The following GRHL3 variants were observed in gnomAD, a reference collection of about 807,000 sequenced individuals.
GRHL3 encodes the protein grainyhead-like protein 3 homolog.
A neutral mutation model predicts 70.3 loss-of-function variants in GRHL3; 20 were observed. The observed-to-expected ratio is 0.28, with a 90% CI of 0.20 to 0.41. GRHL3 has a LOEUF of 0.41. Ranked by LOEUF, GRHL3 falls within the 10% of genes least tolerant of loss-of-function variation. GRHL3 has a pLI of 1.00. For synonymous variants in GRHL3, 299 were observed against 299.9 expected, an observed-to-expected ratio of 1.00 and a Z score of 0.03; for missense variants, 637 against 762.3, an observed-to-expected ratio of 0.84 and a Z score of 1.94.
At chr1:24,331,405 A>G in intron 1 of GRHL3, 21 bp from the exon 2 acceptor site, 13 of 1,578,526 alleles carry the variant, frequency 8.2e-6, no homozygotes, top group Non-Finnish European at 1.1e-5. Flanking sequence ...CCTAAATTTG[A>G]CTCTCCTTAC....
intron 15 of GRHL3, among the ~76,000 whole-genome samples, chr1:24,361,749 C>T (rs183884434): frequency 6.4e-4 from 97 of 152,266 alleles, no homozygotes; most frequent in African/African-American, 2.2e-3. Flanking sequence ...GGGAGTCTAT[C>T]TTTTATCTCT....
At chr1:24,327,124 G>T (rs559230310) in intron 1 of GRHL3, among the ~76,000 whole-genome samples, 3 of 152,248 alleles carry the variant, frequency 2.0e-5, no homozygotes, top group East Asian at 3.9e-4. Context: ...TCTCTGGCAG[G>T]CTCTAGGTTA....
intron 11 of GRHL3, 88 bp from the exon 12 acceptor site, chr1:24,344,809 A>T (rs1168797472): frequency 4.7e-6 from 7 of 1,497,810 alleles, no homozygotes; most frequent in Non-Finnish European, 4.7e-6. Flanking sequence ...TCCCACCAAA[A>T]ATATTCCTCC....
chr1:24,323,225 C>T (rs1639270265), intron 1 of GRHL3: 1 of 718,636 alleles, frequency 1.4e-6, no homozygotes. Flanking sequence ...ACACCTAGAA[C>T]AGTGTTCTCA....
intron 1 of GRHL3, among the ~76,000 whole-genome samples, chr1:24,330,998 A>G (rs547975932): frequency 6.6e-6 from 1 of 152,356 alleles, no homozygotes; most frequent in East Asian, 1.9e-4. Flanking sequence ...TGTGCCTTTC[A>G]CAGTCTTGAG....
At chr1:24,358,395 C>T (rs1439100704), downstream of GRHL3, 8 of 749,456 alleles carry the variant, frequency 1.1e-5, no homozygotes, top group African/African-American at 8.6e-5. Context: ...GGCAGCAGTC[C>T]GGCTAGGATG....
intron 3 of GRHL3, among the ~76,000 whole-genome samples, chr1:24,336,185 T>C (rs575508613): frequency 6.6e-6 from 1 of 152,132 alleles, no homozygotes; most frequent in East Asian, 1.9e-4. Context: ...CATTTGACTT[T>C]GGCTAAAAAT....
intron 2 of GRHL3, among the ~76,000 whole-genome samples, chr1:24,332,659 T>G (rs1490700986): frequency 6.6e-6 from 1 of 152,146 alleles, no homozygotes; most frequent in Non-Finnish European, 1.5e-5. Context: ...TTTCCTAGAT[T>G]GGGGGATGGG....
At position 24,346,730 on chromosome 1, in the gene GRHL3, G is replaced by A. The variant is rs1299801780; in HGVS notation, c.1543+89G>A. 3.3e-5 allele frequency: 32 copies of A among 982,092 alleles called. No individual in the cohort carries two copies. The Admixed American group carries it at 6.0e-4, about 18-fold the overall frequency. The allele number at this position is 982,092 out of a possible 1,614,324, so 60.8% of individuals were successfully genotyped here. A position where few individuals can be genotyped will look rare whatever the true frequency, so the allele number is the denominator to read the frequency against. ...TTTCCCAAAGCCTCCTTGGGGTGGG[G>A]CACGAGGCGCTGCCTTACCCCTTGG... On this transcript the variant is annotated intron_variant, in intron 13 of 15. Transcript: ENST00000361548.
downstream of GRHL3, chr1:24,358,384 T>C (rs754438612): frequency 1.2e-5 from 9 of 729,746 alleles, no homozygotes; most frequent in Admixed American, 1.6e-4. Flanking sequence ...ACAAAGGCAA[T>C]GGCAGCAGTC....
intron 12 of GRHL3, among the ~76,000 whole-genome samples, 185 bp from the exon 13 acceptor site, chr1:24,346,368 G>C (rs1464146774): frequency 1.3e-5 from 2 of 152,190 alleles, no homozygotes; most frequent in African/African-American, 4.8e-5. Context: ...GTGCGTGGCA[G>C]GGCTGGGATT....
At position 24,342,897 on chromosome 1, in the gene GRHL3, A is replaced by G. The variant is rs41268751; in HGVS notation, c.1291A>G (p.Lys431Glu). 1 of 1,614,162 alleles carries G rather than the reference A, an allele frequency of 6.2e-7. No homozygotes were observed. Among genetic ancestry groups the G allele is most frequent in the Non-Finnish European group, 8.5e-7 (1 of 1,180,030 alleles). Reference sequence around the variant, plus strand: ...TGGCTTCCTTCTCCCATCAGGCGTCAAGGGCTGCCTGCTGTCGGGCTTCAG... The same window carrying G: ...TGGCTTCCTTCTCCCATCAGGCGTCGAGGGCTGCCTGCTGTCGGGCTTCAG... ...KCPDSSNSGV[K>E]GCLLSGFRGN... The change falls in exon 11 of 16, where the codon AAG becomes GAG. Residue 431 changes from lysine (K) to glutamate (E), a missense_variant. Coordinates refer to ENST00000361548, the MANE Select transcript of GRHL3 (RefSeq NM_198173.3). The surrounding 1 kb of genome is among the most constrained non-coding windows in gnomAD (Gnocchi z 4.8).
chr1:24,361,987 T>A (rs1054809098), intron 15 of GRHL3, among the ~76,000 whole-genome samples: 1 of 152,214 alleles, frequency 6.6e-6, no homozygotes, highest in Non-Finnish European at 1.5e-5. Context: ...CCCAACCATG[T>A]AATAGAAGGG....
intron 7 of GRHL3, among the ~76,000 whole-genome samples, chr1:24,339,334 G>C (rs1405821748): frequency 6.6e-6 from 1 of 151,728 alleles, no homozygotes; most frequent in Non-Finnish European, 1.5e-5. Flanking sequence ...AGAGTGCAGT[G>C]GCGCGATCTC....
At chr1:24,360,827 A>T in intron 15 of GRHL3, 1 of 1,569,396 alleles carries the variant, frequency 6.4e-7, no homozygotes, top group Non-Finnish European at 8.6e-7. Flanking sequence ...TGGTTTTTAC[A>T]ATCATTTAAA....
At position 24,354,586 on chromosome 1, in the gene GRHL3, C is replaced by A; in HGVS notation, c.*98C>A. On this transcript the variant is annotated 3_prime_UTR_variant, in exon 16 of 16. Transcript: ENST00000361548. ...CTCTCCACATGCCTCAGCGCTGTTA[C>A]TTGAATGCCTTCCCTGAGGGAAGAG... The A allele has an allele frequency of 1.3e-6, 1 of 742,062 alleles. No individual in the cohort carries two copies. Among genetic ancestry groups the A allele is most frequent in the East Asian group, 2.7e-5 (1 of 37,042 alleles). The allele number at this position is 742,062 out of a possible 1,614,324, so 46.0% of individuals were successfully genotyped here.
rs1640079373 is a variant in GRHL3 at position 24,342,405 on chromosome 1, T to C, written c.1206+132T>C. 4.1e-6 allele frequency: 3 copies of C among 739,178 alleles called. No homozygotes were observed. Among genetic ancestry groups the C allele is most frequent in the Admixed American group, 5.6e-5 (2 of 35,424 alleles). The allele number at this position is 739,178 out of a possible 1,614,324, so 45.8% of individuals were successfully genotyped here. ...TTTCTATCCCTTCTCCTCCTTCCCCTCTCCTCCTCCACCCCCACTCCTCCA... is the reference window on the plus strand; with the variant it reads ...TTTCTATCCCTTCTCCTCCTTCCCCCCTCCTCCTCCACCCCCACTCCTCCA... On this transcript the variant is annotated intron_variant, in intron 9 of 15. Coordinates refer to ENST00000361548, the MANE Select transcript of GRHL3 (RefSeq NM_198173.3). This position sits in a 1 kb window ranked among gnomAD's most constrained non-coding sequence, Gnocchi z 4.8.
chr1:24,364,421 G>C (rs1641323627), exon 16 of GRHL3: 12 of 1,488,882 alleles, frequency 8.1e-6, no homozygotes, highest in Non-Finnish European at 1.1e-5. Context: ...TCACATCTGA[G>C]AGCTCTCAGC....
At chr1:24,333,790 T>TGGTG (rs1453621779) in intron 2 of GRHL3, among the ~76,000 whole-genome samples, 1 of 152,158 alleles carries the variant, frequency 6.6e-6, no homozygotes, top group South Asian at 2.1e-4. Context: ...ATCCATAGAA[T>TGGTG]GGTGATGATA....
Sources: gnomAD v4.1 joint callset for allele counts (sites outside exome capture counted in the v4.1 genomes callset) on GRCh38, gnomAD v4.1.1 for gene constraint, Gnocchi (gnomAD v3.1) non-coding constraint, MANE v1.5 for transcripts, NCBI Gene and HGNC (gene_info 2026-07-23, HGNC 2026-07-21) for gene names.